Variants in SCFD2 observed in about 807,000 individuals in gnomAD.
SCFD2 encodes sec1 family domain-containing protein 2.
SCFD2 carries 54 observed loss-of-function variants against 58.9 expected under a neutral mutation model. That is an observed-to-expected ratio of 0.92 (90% CI 0.74 to 1.15). The LOEUF (loss-of-function observed/expected upper bound fraction) is 1.15. SCFD2 is among the 50% of genes most tolerant of loss of function. The pLI is 0.00. For synonymous variants in SCFD2, 321 were observed against 335.9 expected, an observed-to-expected ratio of 0.96 and a Z score of 0.49; for missense variants, 805 against 836.6, an observed-to-expected ratio of 0.96 and a Z score of 0.47.
chr4:53,210,615 T>C (rs1333059643), intron 4 of SCFD2, among the ~76,000 whole-genome samples: 1 of 152,004 alleles, frequency 6.6e-6, no homozygotes, highest in African/African-American at 2.4e-5. Flanking sequence ...CTGAAAAACA[T>C]ATTATTTATG....
At chr4:53,325,766 G>A (rs1460808946) in intron 2 of SCFD2, among the ~76,000 whole-genome samples, 2 of 152,188 alleles carry the variant, frequency 1.3e-5, no homozygotes, top group East Asian at 3.8e-4. Flanking sequence ...AAGGGGCTAA[G>A]GTTCAGAAAG....
chr4:53,114,253 C>T (rs1725256338), intron 5 of SCFD2, among the ~76,000 whole-genome samples: 1 of 152,106 alleles, frequency 6.6e-6, no homozygotes, highest in South Asian at 2.1e-4. Flanking sequence ...TGCACACATA[C>T]TACACATAGT....
chr4:53,277,145 C>A (rs1233867645), intron 3 of SCFD2, among the ~76,000 whole-genome samples: 2 of 152,148 alleles, frequency 1.3e-5, no homozygotes, highest in Non-Finnish European at 2.9e-5. Flanking sequence ...CAGACAAAAA[C>A]CCCTATGCTT....
intron 1 of SCFD2, among the ~76,000 whole-genome samples, chr4:53,358,217 G>C (rs759037692): frequency 6.6e-6 from 1 of 152,100 alleles, no homozygotes; most frequent in African/African-American, 2.4e-5. Flanking sequence ...ACTGGAATGA[G>C]AGTTAATCTT....
At chr4:52,928,859 G>A (rs1211521331) in intron 5 of SCFD2, among the ~76,000 whole-genome samples, 3 of 152,050 alleles carry the variant, frequency 2.0e-5, no homozygotes, top group African/African-American at 7.3e-5. Flanking sequence ...TTTTAAATAG[G>A]TGAATGGGGA....
intron 4 of SCFD2, among the ~76,000 whole-genome samples, chr4:53,263,731 T>C (rs1730897444): frequency 6.6e-6 from 1 of 152,206 alleles, no homozygotes; most frequent in African/African-American, 2.4e-5. Flanking sequence ...TCGGTTGGCC[T>C]CCAGCCAGGA....
intron 4 of SCFD2, among the ~76,000 whole-genome samples, chr4:53,230,698 C>T (rs1004548135): frequency 6.6e-6 from 1 of 151,814 alleles, no homozygotes; most frequent in Non-Finnish European, 1.5e-5. Flanking sequence ...GTACAGCACA[C>T]TAACATGGCA....
At chr4:53,225,728 A>G (rs1729191619) in intron 4 of SCFD2, among the ~76,000 whole-genome samples, 1 of 152,220 alleles carries the variant, frequency 6.6e-6, no homozygotes, top group African/African-American at 2.4e-5. Context: ...ACTGTGCCTT[A>G]ATGAGGTAGA....
chr4:53,259,409 G>A (rs1730760274), intron 4 of SCFD2, among the ~76,000 whole-genome samples: 1 of 152,166 alleles, frequency 6.6e-6, no homozygotes, highest in African/African-American at 2.4e-5. Context: ...GGTGAGAGAT[G>A]AGGATCCAGT....
At chr4:53,047,213 T>C (rs964191176) in intron 5 of SCFD2, among the ~76,000 whole-genome samples, 9 of 152,240 alleles carry the variant, frequency 5.9e-5, no homozygotes, top group South Asian at 4.2e-4. Flanking sequence ...TTTGAGAGGC[T>C]GAGGCAGGAG....
intron 5 of SCFD2, among the ~76,000 whole-genome samples, chr4:53,097,565 T>C (rs1174261015): frequency 6.6e-6 from 1 of 152,204 alleles, no homozygotes; most frequent in Non-Finnish European, 1.5e-5. Flanking sequence ...ACATTGATTT[T>C]GTATCCTGAG....
intron 2 of SCFD2, among the ~76,000 whole-genome samples, chr4:53,316,152 GTCTA>G (rs1732856117): frequency 6.6e-6 from 1 of 152,168 alleles, no homozygotes; most frequent in South Asian, 2.1e-4. Flanking sequence ...GCACTCTGTT[GTCTA>G]CTTACTGGGC....
chr4:53,213,890 G>A (rs6828377), intron 4 of SCFD2, among the ~76,000 whole-genome samples: 105,155 of 151,748 alleles, frequency 0.69, 36,746 homozygotes, highest in Middle Eastern at 0.78. Flanking sequence ...CCACCTATGA[G>A]TGAGAACATG....
chr4:52,970,949 T>G, intron 5 of SCFD2, among the ~76,000 whole-genome samples: 1 of 152,148 alleles, frequency 6.6e-6, no homozygotes, highest in Non-Finnish European at 1.5e-5. Flanking sequence ...GACCTGCAGC[T>G]GAGGGTCCTG....
At chr4:53,166,914 T>A (rs9992110) in intron 4 of SCFD2, among the ~76,000 whole-genome samples, 12,444 of 152,046 alleles carry the variant, frequency 0.082, 929 homozygotes, top group South Asian at 0.21. Flanking sequence ...TTGGTAGCAT[T>A]TGGGAATAAG....
At chr4:53,297,854 T>C (rs1732098364) in intron 3 of SCFD2, among the ~76,000 whole-genome samples, 1 of 152,216 alleles carries the variant, frequency 6.6e-6, no homozygotes, top group Non-Finnish European at 1.5e-5. Flanking sequence ...GGCCTGTTGG[T>C]GACAAAATCT....
chr4:53,337,459 G>A (rs1733720203), intron 2 of SCFD2, among the ~76,000 whole-genome samples: 1 of 152,106 alleles, frequency 6.6e-6, no homozygotes. Context: ...CCATAACAAT[G>A]GAAATTATCA....
intron 4 of SCFD2, among the ~76,000 whole-genome samples, chr4:53,181,206 A>C (rs1356776547): frequency 1.3e-5 from 2 of 152,192 alleles, no homozygotes; most frequent in African/African-American, 4.8e-5. Flanking sequence ...ACAACCAAAA[A>C]AGAGAATTTT....
intron 4 of SCFD2, among the ~76,000 whole-genome samples, chr4:53,200,999 T>C (rs576554042): frequency 2.0e-5 from 3 of 151,404 alleles, no homozygotes; most frequent in Non-Finnish European, 4.4e-5. Context: ...ATTAATTTTA[T>C]TTTAATTTAA....
Sources: gnomAD v4.1 joint callset for allele counts (sites outside exome capture counted in the v4.1 genomes callset) on GRCh38, gnomAD v4.1.1 for gene constraint, MANE v1.5 for transcripts, NCBI Gene and HGNC (gene_info 2026-07-23, HGNC 2026-07-21) for gene names.